The following ADGRL4 variants were observed in gnomAD, a reference collection of about 807,000 sequenced individuals.
ADGRL4 encodes adhesion G protein-coupled receptor L4.
A neutral mutation model predicts 74.8 loss-of-function variants in ADGRL4; 90 were observed. The observed-to-expected ratio is 1.20, with a 90% confidence interval of 1.02 to 1.43. The LOEUF is 1.43. Ranked by LOEUF, ADGRL4 falls within the 40% of genes most tolerant of loss-of-function variation. The pLI is 0.00. For synonymous variants in ADGRL4, 311 were observed against 279.2 expected, an observed-to-expected ratio of 1.11 and a Z score of -1.14; for missense variants, 881 against 814.3, an observed-to-expected ratio of 1.08 and a Z score of -1.00.
At chr1:78,957,695 G>A (rs12042046) in intron 2 of ADGRL4, among the ~76,000 whole-genome samples, 13,567 of 152,204 alleles carry the variant, frequency 0.089, 799 homozygotes, top group East Asian at 0.33. Flanking sequence ...AAGTGCAAGA[G>A]GAGGCAGGAG....
chr1:78,975,284 A>G (rs1650254452), intron 2 of ADGRL4, among the ~76,000 whole-genome samples: 1 of 152,152 alleles, frequency 6.6e-6, no homozygotes, highest in Non-Finnish European at 1.5e-5. Flanking sequence ...ATTACTGCTT[A>G]GAATAAGTAC....
intron 2 of ADGRL4, among the ~76,000 whole-genome samples, chr1:78,975,165 G>T (rs983973279): frequency 1.3e-5 from 2 of 152,060 alleles, no homozygotes; most frequent in African/African-American, 4.8e-5. Context: ...AGTTTCTTTA[G>T]TAATTATCAG....
rs74889627 is a variant in ADGRL4, at chr1:78,961,578, A to G, written c.173-15152T>C. Among the ~76,000 whole-genome samples the G allele has an allele frequency of 8.1e-4, 123 of 152,292 alleles. 1 individual carries two copies. In the East Asian group the frequency reaches 0.02, roughly 25 times the overall value. ...TTGATTCTGTTTAGCTCTGTTTAGTAAAGTTTCACTTTCTAAGATGCCATT... is the reference window on the plus strand; with the variant it reads ...TTGATTCTGTTTAGCTCTGTTTAGTGAAGTTTCACTTTCTAAGATGCCATT... On this transcript the variant is annotated intron_variant, in intron 2 of 14. Coordinates refer to ENST00000370742, the MANE Select transcript of ADGRL4 (RefSeq NM_022159.4).
chr1:78,959,646 C>A (rs1649905212), intron 2 of ADGRL4, among the ~76,000 whole-genome samples: 3 of 152,100 alleles, frequency 2.0e-5, no homozygotes, highest in South Asian at 4.1e-4. Flanking sequence ...ATAGCAAGCA[C>A]CTTATAGAAG....
Position 79,005,104 on chromosome 1 carries a change from C to T in ADGRL4, c.138G>A (p.Met46Ile). The T allele has an allele frequency of 6.2e-7, 1 of 1,612,450 alleles. No individual in the cohort carries two copies. The highest frequency in any genetic ancestry group is 1.1e-5 in the South Asian group (1 of 90,502). ...TTGTGACACCATTTCCTGAAAATCCCATGTTGCAATAGCAGGCTTCAATTC... is the reference window on the plus strand; with the variant it reads ...TTGTGACACCATTTCCTGAAAATCCTATGTTGCAATAGCAGGCTTCAATTC... ...RNGIEACYCN[M>I]GFSGNGVTIC... The change falls in exon 2 of 15, where the codon ATG becomes ATA. Residue 46 changes from methionine to isoleucine, a missense_variant. Coordinates refer to ENST00000370742, the MANE Select transcript of ADGRL4 (RefSeq NM_022159.4).
chr1:78,920,249 A>G lies in ADGRL4; in HGVS notation c.1395T>C (p.Asn465=), dbSNP rs866196936. Residue 465 remains asparagine, a synonymous_variant, in exon 10 of 15, where the codon AAT becomes AAC. Transcript: ENST00000370742. The part of the protein sequence containing the change: ...IQSTRTTIHK[N]LCCSLFLAEL... ...CAGCAAGAAATAGGCTACAGCAAAGATTTTTGTGAATTGTTGTCCTGGTGC... is the reference window on the plus strand; with the variant it reads ...CAGCAAGAAATAGGCTACAGCAAAGGTTTTTGTGAATTGTTGTCCTGGTGC... 4 of 1,612,050 alleles carry G rather than the reference A, an allele frequency of 2.5e-6. No homozygotes were observed. In the African/African-American group the frequency reaches 5.3e-5, roughly 22 times the overall value.
In ADGRL4 at chr1:78,936,311, A is replaced by G; in HGVS notation, c.861T>C (p.Ala287=). ...AAGTCCTACCATTTGAATCATATGCAGCTTTTCTCTTTGGAAATATATTTA... is the reference window on the plus strand; with the variant it reads ...AAGTCCTACCATTTGAATCATATGCGGCTTTTCTCTTTGGAAATATATTTA... ...DYINIFPKRK[A]AYDSNGNVAV... Residue 287 remains alanine (A), a synonymous_variant, in exon 7 of 15, where the codon GCT becomes GCC. Transcript: ENST00000370742. The G allele has an allele frequency of 6.3e-7, 1 of 1,593,834 alleles. No homozygotes were observed. The highest frequency in any genetic ancestry group is 8.5e-7 in the Non-Finnish European group (1 of 1,172,522).
At chr1:78,972,044 C>T (rs962023606) in intron 2 of ADGRL4, among the ~76,000 whole-genome samples, 21 of 152,138 alleles carry the variant, frequency 1.4e-4, no homozygotes, top group African/African-American at 4.3e-4. Context: ...TGTGCACCAC[C>T]GTGCCCGGCC....
At chr1:78,898,601 T>C (rs573025861) in intron 12 of ADGRL4, among the ~76,000 whole-genome samples, 1 of 151,972 alleles carries the variant, frequency 6.6e-6, no homozygotes, top group East Asian at 1.9e-4. Flanking sequence ...AGATGGCAAG[T>C]ATAAGAACTT....
intron 2 of ADGRL4, among the ~76,000 whole-genome samples, chr1:78,976,294 A>G (rs1650278486): frequency 6.6e-6 from 1 of 152,060 alleles, no homozygotes; most frequent in African/African-American, 2.4e-5. Context: ...AGTGAGCAAT[A>G]TCTCTTGCTC....
At chr1:78,898,280 T>C (rs147692853) in intron 12 of ADGRL4, among the ~76,000 whole-genome samples, 1 of 152,154 alleles carries the variant, frequency 6.6e-6, no homozygotes, top group South Asian at 2.1e-4. Flanking sequence ...AATATCATGA[T>C]AGCAGACTTG....
chr1:78,891,228 A>T lies in ADGRL4; in HGVS notation c.2011-12T>A. 1 of 1,593,172 alleles carries T rather than the reference A, an allele frequency of 6.3e-7. No individual in the cohort carries two copies. The highest frequency in any genetic ancestry group is 1.1e-5 in the South Asian group (1 of 87,472). On this transcript the variant is annotated splice_polypyrimidine_tract_variant and intron_variant, in intron 14 of 14. Coordinates refer to ENST00000370742, the MANE Select transcript of ADGRL4 (RefSeq NM_022159.4). ...TATTCTTCTTGAATCTAAAAATTAA[A>T]AAAAGGAAAGGAAGAAATGTTAATC...
intron 2 of ADGRL4, among the ~76,000 whole-genome samples, chr1:78,951,520 T>C (rs1351978435): frequency 1.3e-5 from 2 of 152,204 alleles, no homozygotes; most frequent in Non-Finnish European, 2.9e-5. Flanking sequence ...TTGTTGATGG[T>C]TATCTACTCG....
intron 12 of ADGRL4, among the ~76,000 whole-genome samples, chr1:78,894,407 C>T (rs923286206): frequency 6.6e-6 from 1 of 151,686 alleles, no homozygotes; most frequent in Non-Finnish European, 1.5e-5. Context: ...GTAATTAATC[C>T]TAATTATAGT....
intron 3 of ADGRL4, among the ~76,000 whole-genome samples, chr1:78,944,210 T>A (rs1649549822): frequency 6.6e-6 from 1 of 152,162 alleles, no homozygotes; most frequent in East Asian, 1.9e-4. Flanking sequence ...AAAAGACAGA[T>A]GTCTTCTACA....
chr1:78,995,609 G>C (rs1650697599), intron 2 of ADGRL4, among the ~76,000 whole-genome samples: 1 of 152,170 alleles, frequency 6.6e-6, no homozygotes, highest in South Asian at 2.1e-4. Context: ...AAATCCATCT[G>C]TTTCATTTTC....
chr1:78,942,753 A>G (rs1649514241), intron 3 of ADGRL4, among the ~76,000 whole-genome samples: 1 of 152,086 alleles, frequency 6.6e-6, no homozygotes, highest in Admixed American at 6.6e-5. Context: ...ACATAGCAAG[A>G]ACCTGTCTCT....
chr1:78,949,226 T>A (rs1649673208), intron 2 of ADGRL4, among the ~76,000 whole-genome samples: 1 of 152,114 alleles, frequency 6.6e-6, no homozygotes, highest in Non-Finnish European at 1.5e-5. Context: ...ATCACCTAAC[T>A]GATTGTTTGT....
intron 2 of ADGRL4, among the ~76,000 whole-genome samples, chr1:78,977,645 A>T (rs544826421): frequency 6.6e-6 from 1 of 152,078 alleles, no homozygotes; most frequent in South Asian, 2.1e-4. Flanking sequence ...TAGAACAGAG[A>T]TCCACATGCA....
Sources: gnomAD v4.1 joint callset for allele counts (sites outside exome capture counted in the v4.1 genomes callset) on GRCh38, gnomAD v4.1.1 for gene constraint, MANE v1.5 for transcripts, NCBI Gene and HGNC (gene_info 2026-07-23, HGNC 2026-07-21) for gene names.